ROBO2: variants seen among roughly 807,000 people sequenced by gnomAD.
ROBO2 encodes the protein roundabout guidance receptor 2.
A neutral mutation model predicts 160.8 loss-of-function variants in ROBO2; 53 were observed. That is an observed-to-expected ratio of 0.33 (90% CI 0.26 to 0.41). The LOEUF is 0.41. Among genes scored for constraint, ROBO2 ranks in the 10% least tolerant of loss-of-function variants. The pLI is 1.00. For missense variants in ROBO2, 1,577 were observed against 1,722.4 expected (o/e 0.92, Z 1.49); for synonymous variants, 664 against 611.7 (o/e 1.09, Z -1.26).
At chr3:76,260,995 A>G (rs763749715) in intron 2 of ROBO2, among the ~76,000 whole-genome samples, 8 of 151,982 alleles carry the variant, frequency 5.3e-5, no homozygotes, top group Admixed American at 1.3e-4. Flanking sequence ...TTCAAGACTA[A>G]TTTTTGCAAC....
chr3:76,674,736 G>T (rs2092363801), intron 2 of ROBO2, among the ~76,000 whole-genome samples: 1 of 152,118 alleles, frequency 6.6e-6, no homozygotes, highest in African/African-American at 2.4e-5. Context: ...GGGTGGGCCT[G>T]AGATTCTGTC....
intron 2 of ROBO2, among the ~76,000 whole-genome samples, chr3:76,281,338 A>G (rs1165551232): frequency 6.6e-6 from 1 of 151,958 alleles, no homozygotes; most frequent in East Asian, 1.9e-4. Flanking sequence ...TTCTGCAACT[A>G]TATGGGTATA....
At chr3:77,564,043 T>G (rs931539483) in intron 11 of ROBO2, among the ~76,000 whole-genome samples, 2 of 152,258 alleles carry the variant, frequency 1.3e-5, no homozygotes, top group Admixed American at 1.3e-4. Flanking sequence ...AGTATAAATT[T>G]TAATGGATAA....
chr3:77,490,857 A>C (rs760218473), intron 4 of ROBO2, among the ~76,000 whole-genome samples: 16 of 152,188 alleles, frequency 1.1e-4, no homozygotes, highest in Admixed American at 3.3e-4. Flanking sequence ...TCGACATCCT[A>C]TGAACCATTG....
intron 2 of ROBO2, among the ~76,000 whole-genome samples, chr3:76,516,310 T>G (rs2081345417): frequency 6.6e-6 from 1 of 152,148 alleles, no homozygotes; most frequent in Admixed American, 6.6e-5. Flanking sequence ...TACCCACACC[T>G]GCTGCTGTTC....
chr3:77,213,301 T>C (rs2084447574), intron 2 of ROBO2, among the ~76,000 whole-genome samples: 2 of 152,178 alleles, frequency 1.3e-5, no homozygotes, highest in South Asian at 4.1e-4. Flanking sequence ...CCTGGTTTAG[T>C]CTTGGGAGGG....
intron 2 of ROBO2, among the ~76,000 whole-genome samples, chr3:77,315,184 T>C (rs928963206): frequency 2.0e-5 from 3 of 152,126 alleles, no homozygotes; most frequent in Non-Finnish European, 4.4e-5. Context: ...AACTTGGAAC[T>C]ACACAAAGGT....
chr3:76,673,716 GT>G (rs992451860), intron 2 of ROBO2, among the ~76,000 whole-genome samples: 11 of 150,324 alleles, frequency 7.3e-5, no homozygotes, highest in Admixed American at 4.0e-4. Context: ...CAATAGGATC[GT>G]TTTTTTTTAG....
chr3:76,910,555 G>A (rs1577410596), intron 2 of ROBO2, among the ~76,000 whole-genome samples: 2 of 151,562 alleles, frequency 1.3e-5, no homozygotes, highest in African/African-American at 2.4e-5. Flanking sequence ...GTGAAACCCC[G>A]TCTCTGCTAA....
chr3:76,767,244 C>T (rs1165939183), intron 2 of ROBO2, among the ~76,000 whole-genome samples: 3 of 151,524 alleles, frequency 2.0e-5, no homozygotes, highest in Admixed American at 2.0e-4. Context: ...TTTCAATTAT[C>T]GTCTAAGAAT....
chr3:77,315,994 G>A (rs1454741940), intron 2 of ROBO2, among the ~76,000 whole-genome samples: 9 of 152,006 alleles, frequency 5.9e-5, no homozygotes, highest in Non-Finnish European at 8.8e-5. Flanking sequence ...ACTTTAAAAT[G>A]TACCCATTAA....
At chr3:76,967,872 C>A (rs1160338749) in intron 2 of ROBO2, among the ~76,000 whole-genome samples, 1 of 152,056 alleles carries the variant, frequency 6.6e-6, no homozygotes, top group Admixed American at 6.6e-5. Flanking sequence ...GTACTTTCTT[C>A]CCTCTTGCTA....
chr3:77,297,363 A>C (rs1238083741), intron 2 of ROBO2, among the ~76,000 whole-genome samples: 1 of 152,146 alleles, frequency 6.6e-6, no homozygotes, highest in Non-Finnish European at 1.5e-5. Context: ...TTTTGGATTT[A>C]ATTAAATTTG....
intron 5 of ROBO2, among the ~76,000 whole-genome samples, chr3:77,511,595 G>A (rs1390105916): frequency 6.6e-6 from 1 of 151,996 alleles, no homozygotes; most frequent in Admixed American, 6.6e-5. Flanking sequence ...TGTGCTAAAG[G>A]AAGATTAGCA....
chr3:76,409,885 T>C (rs1478977386), intron 2 of ROBO2, among the ~76,000 whole-genome samples: 1 of 152,164 alleles, frequency 6.6e-6, no homozygotes, highest in Non-Finnish European at 1.5e-5. Context: ...AGACATATGA[T>C]AGAGTACAGA....
chr3:76,680,203 A>C (rs2092520135), intron 2 of ROBO2, among the ~76,000 whole-genome samples: 1 of 152,166 alleles, frequency 6.6e-6, no homozygotes, highest in African/African-American at 2.4e-5. Context: ...TTTCAATATC[A>C]ACCAAAATGC....
At chr3:76,775,954 A>G (rs1026337204) in intron 2 of ROBO2, among the ~76,000 whole-genome samples, 4 of 150,866 alleles carry the variant, frequency 2.7e-5, no homozygotes, top group Admixed American at 1.3e-4. Context: ...CCATGTCTGT[A>G]AAGCAACTCT....
chr3:76,025,523 T>A (rs2066713751), intron 2 of ROBO2, among the ~76,000 whole-genome samples: 1 of 151,800 alleles, frequency 6.6e-6, no homozygotes, highest in Non-Finnish European at 1.5e-5. Flanking sequence ...AATCATCTAT[T>A]TGTGACCTTT....
intron 2 of ROBO2, among the ~76,000 whole-genome samples, chr3:77,122,599 A>C (rs1264046010): frequency 6.6e-6 from 1 of 152,242 alleles, no homozygotes; most frequent in Non-Finnish European, 1.5e-5. Flanking sequence ...TTACACTCAT[A>C]GTAAACCCAT....
Sources: allele counts gnomAD v4.1 joint callset (sites outside exome capture counted in the v4.1 genomes callset), GRCh38; gene constraint gnomAD v4.1.1; transcripts MANE v1.5; gene names NCBI Gene and HGNC (gene_info 2026-07-23, HGNC 2026-07-21).